MTCL2: variants seen among roughly 807,000 people sequenced by gnomAD.
MTCL2 encodes the protein microtubule crosslinking factor 2.
chr20:36,817,487 T>TA, the MTCL2 span: 117,515 of 1,286,596 alleles, frequency 0.091, 49 homozygotes, highest in Non-Finnish European at 0.1. Flanking sequence ...GAGATTTAAT[T>TA]AAAAAAAAAA....
the MTCL2 span, chr20:36,794,136 C>T: frequency 6.4e-7 from 1 of 1,551,482 alleles, no homozygotes; most frequent in Non-Finnish European, 8.7e-7. This position sits in a 1 kb window ranked among gnomAD's most constrained non-coding sequence, Gnocchi z 5.4. Flanking sequence ...CCCGCTGAGC[C>T]TCCGTCCAGG....
the MTCL2 span, among the ~76,000 whole-genome samples, chr20:36,810,310 CT>C: frequency 6.6e-6 from 1 of 152,170 alleles, no homozygotes; most frequent in African/African-American, 2.4e-5. Context: ...TCAAATCTGG[CT>C]TTTGTTACCA....
chr20:36,817,299 GA>G, the MTCL2 span: 3 of 940,054 alleles, frequency 3.2e-6, no homozygotes, highest in Middle Eastern at 3.4e-4. Flanking sequence ...AGAAAAAAAG[GA>G]AAATGAGCAA....
chr20:36,836,419 A>G, the MTCL2 span, among the ~76,000 whole-genome samples: 3 of 134,938 alleles, frequency 2.2e-5, no homozygotes, highest in South Asian at 6.8e-4. Context: ...GTGTGAGCTC[A>G]CTGCAACCTC....
chr20:36,828,143 A>C, the MTCL2 span, among the ~76,000 whole-genome samples: 52 of 152,208 alleles, frequency 3.4e-4, no homozygotes, highest in Admixed American at 9.8e-4. Context: ...CGATCCTCAT[A>C]TCTCATCAGC....
chr20:36,845,291 C>T, the MTCL2 span, among the ~76,000 whole-genome samples: 1 of 152,248 alleles, frequency 6.6e-6, no homozygotes, highest in South Asian at 2.1e-4. Flanking sequence ...AGCACAAGTC[C>T]CCATGCCAGG....
chr20:36,798,881 T>TA, the MTCL2 span, among the ~76,000 whole-genome samples: 26 of 151,956 alleles, frequency 1.7e-4, no homozygotes, highest in African/African-American at 5.1e-4. Context: ...CCCTCAGTTC[T>TA]AAAAAAAACT....
chr20:36,840,506 G>A, the MTCL2 span, among the ~76,000 whole-genome samples: 2 of 150,198 alleles, frequency 1.3e-5, no homozygotes, highest in African/African-American at 4.9e-5. Context: ...GTAGTGATTT[G>A]TTACAGAAGC....
chr20:36,852,250 C>G, the MTCL2 span, among the ~76,000 whole-genome samples: 1 of 151,966 alleles, frequency 6.6e-6, no homozygotes, highest in Non-Finnish European at 1.5e-5. Flanking sequence ...TCCCTCAGGC[C>G]GAGGCCTGGG....
the MTCL2 span, among the ~76,000 whole-genome samples, chr20:36,810,717 C>CCTCCCTCTCTCTCTCTCTCTCT: frequency 1.6e-4 from 15 of 94,194 alleles, no homozygotes. Context: ...TCTCTCTCTC[C>CCTCCCTCTCTCTCTCTCTCTCT]CTCTCTCTCT....
the MTCL2 span, chr20:36,781,122 T>C: frequency 1.3e-5 from 2 of 152,378 alleles, no homozygotes; most frequent in Non-Finnish European, 2.9e-5. Context: ...ATTAAGATTG[T>C]AAATAGCCTC....
the MTCL2 span, chr20:36,863,091 C>T: frequency 7.1e-7 from 1 of 1,400,590 alleles, no homozygotes; most frequent in Non-Finnish European, 9.3e-7. This position sits in a 1 kb window ranked among gnomAD's most constrained non-coding sequence, Gnocchi z 6.2. Context: ...CACCCGCACA[C>T]CCGCACCGCG....
At chr20:36,845,697 C>T in the MTCL2 span, among the ~76,000 whole-genome samples, 1 of 152,150 alleles carries the variant, frequency 6.6e-6, no homozygotes, top group South Asian at 2.1e-4. Flanking sequence ...GGGGAGGGGA[C>T]CCAGAGGGCA....
At chr20:36,835,538 G>A in the MTCL2 span, among the ~76,000 whole-genome samples, 1 of 152,134 alleles carries the variant, frequency 6.6e-6, no homozygotes, top group Non-Finnish European at 1.5e-5. Context: ...ACCCTCCTAG[G>A]CAGCGCCCGC....
At chr20:36,816,132 T>A in the MTCL2 span, 3 of 1,613,530 alleles carry the variant, frequency 1.9e-6, no homozygotes, top group Non-Finnish European at 2.5e-6. Context: ...GTGGGGGGCA[T>A]CGGCCAGCTC....
chr20:36,797,269 C>G, the MTCL2 span, among the ~76,000 whole-genome samples: 1 of 152,146 alleles, frequency 6.6e-6, no homozygotes, highest in African/African-American at 2.4e-5. Context: ...GGCTTGTCTT[C>G]TTCCTCCTCA....
chr20:36,841,852 C>G, the MTCL2 span, among the ~76,000 whole-genome samples: 10 of 134,218 alleles, frequency 7.5e-5, no homozygotes, highest in East Asian at 2.5e-3. Flanking sequence ...ACACACAACC[C>G]CACATCGGGG....
At chr20:36,815,499 C>A in the MTCL2 span, 1 of 1,586,496 alleles carries the variant, frequency 6.3e-7, no homozygotes, top group East Asian at 2.3e-5. The surrounding 1 kb of genome is among the most constrained non-coding windows in gnomAD (Gnocchi z 5.3). Flanking sequence ...CTCGGCCTCC[C>A]TGGCTCTGCA....
chr20:36,861,671 T>G, the MTCL2 span, among the ~76,000 whole-genome samples: 70 of 152,278 alleles, frequency 4.6e-4, no homozygotes, highest in African/African-American at 1.6e-3. Flanking sequence ...CATTTCAGCC[T>G]CCTCCAAAAC....
Sources: allele counts gnomAD v4.1 joint callset (sites outside exome capture counted in the v4.1 genomes callset), GRCh38; gene constraint gnomAD v4.1.1; non-coding constraint Gnocchi (gnomAD v3.1); transcripts MANE v1.5; gene names NCBI Gene and HGNC (gene_info 2026-07-23, HGNC 2026-07-21).